Variants in SLC25A19 observed in about 807,000 individuals in gnomAD.
SLC25A19 encodes solute carrier family 25 member 19, also known as mitochondrial thiamine pyrophosphate carrier.
In SLC25A19, 18 loss-of-function variants were observed where a neutral mutation model predicts 27.9. The observed-to-expected ratio is 0.64, with a 90% CI of 0.45 to 0.96. SLC25A19 has a LOEUF of 0.96. SLC25A19 is among the 40% of genes least tolerant of loss of function. The pLI is 0.00. For synonymous variants in SLC25A19, 169 were observed against 167.1 expected (o/e 1.01, Z -0.09); for missense variants, 371 against 418.3 (o/e 0.89, Z 0.99).
chr17:75,278,151 C>A lies in SLC25A19; in HGVS notation c.643+1G>T. 4 of 1,613,308 alleles carry A rather than the reference C, an allele frequency of 2.5e-6. No individual in the cohort carries two copies. Among genetic ancestry groups the A allele is most frequent in the Non-Finnish European group, 3.4e-6 (4 of 1,179,984 alleles). ...TCCCTCTCGTGTGAGGGCTGCCTCA[C>A]CATTTTTCTTTCCTTCGGCTGGTAT... On this transcript the variant is annotated splice_donor_variant, in intron 6 of 7. Transcript: ENST00000416858. LOFTEE classifies it high-confidence loss of function.
chr17:75,281,261 T>C (rs531575896), intron 5 of SLC25A19, among the ~76,000 whole-genome samples: 36 of 152,248 alleles, frequency 2.4e-4, no homozygotes, highest in African/African-American at 6.5e-4. Context: ...CACATACATA[T>C]GATGCTATTC....
chr17:75,275,886 G>C (rs779343318), intron 7 of SLC25A19, among the ~76,000 whole-genome samples: 3 of 152,022 alleles, frequency 2.0e-5, no homozygotes, highest in Admixed American at 6.6e-5. Flanking sequence ...CAGGAGAATC[G>C]CTTGAACCAG....
intron 6 of SLC25A19, 148 bp from the exon 7 acceptor site, chr17:75,277,631 A>G: frequency 1.1e-6 from 1 of 926,156 alleles, no homozygotes; most frequent in Non-Finnish European, 1.7e-6. Context: ...TCCCATTCCA[A>G]AAAGGAATGT....
chr17:75,283,736 T>C (rs2078112947), intron 4 of SLC25A19, 143 bp from the exon 5 acceptor site: 1 of 766,596 alleles, frequency 1.3e-6, no homozygotes, highest in African/African-American at 1.7e-5. Flanking sequence ...TCTTGAGCAG[T>C]GACAGCATAT....
At chr17:75,277,209 T>C (rs142375744) in intron 7 of SLC25A19, 144 bp downstream of exon 7, 2 of 1,063,404 alleles carry the variant, frequency 1.9e-6, no homozygotes, top group African/African-American at 3.1e-5. Flanking sequence ...TCCCACATGC[T>C]TAGGGATCTC....
chr17:75,275,886 G>A (rs779343318), intron 7 of SLC25A19, among the ~76,000 whole-genome samples: 5 of 152,022 alleles, frequency 3.3e-5, no homozygotes, highest in African/African-American at 7.3e-5. Context: ...CAGGAGAATC[G>A]CTTGAACCAG....
intron 5 of SLC25A19, among the ~76,000 whole-genome samples, chr17:75,280,637 AC>A (rs1242806320): frequency 6.6e-6 from 1 of 151,768 alleles, no homozygotes; most frequent in Non-Finnish European, 1.5e-5. Context: ...ACATGGCAAA[AC>A]CCCGTCTCTA....
intron 7 of SLC25A19, among the ~76,000 whole-genome samples, chr17:75,277,026 C>G (rs1340012272): frequency 1.3e-5 from 2 of 150,928 alleles, no homozygotes; most frequent in African/African-American, 2.4e-5. Flanking sequence ...TGCAGTGGCT[C>G]ACACCTGTAA....
rs758956830 is a variant in SLC25A19 at position 75,276,620 on chromosome 17, G to A, written c.774+733C>T. Among the ~76,000 whole-genome samples the A allele has an allele frequency of 2.5e-4, 38 of 149,420 alleles. 2 individuals are homozygous for A. The highest frequency in any genetic ancestry group is 3.7e-4 in the Non-Finnish European group (25 of 66,844). ...TGACCTCAGGTGATCCACTCGTCTC[G>A]GCCTCCCAAAATGTTGGGATTACAG... On this transcript the variant is annotated intron_variant, in intron 7 of 7. Coordinates refer to ENST00000416858, the MANE Select transcript of SLC25A19 (RefSeq NM_001126121.2).
intron 5 of SLC25A19, among the ~76,000 whole-genome samples, chr17:75,281,281 TC>T (rs2078033324): frequency 6.6e-6 from 1 of 152,168 alleles, no homozygotes; most frequent in African/African-American, 2.4e-5. Context: ...CTTAAATATG[TC>T]CAGGAAACAG....
chr17:75,286,427 G>A lies in SLC25A19; in HGVS notation c.165C>T (p.Pro55=). 6.2e-7 allele frequency: 1 copy of A among 1,614,152 alleles called. No individual in the cohort carries two copies. The highest frequency in any genetic ancestry group is 8.5e-7 in the Non-Finnish European group (1 of 1,180,050). Residue 55 remains proline (P), a synonymous_variant, in exon 4 of 8, where the codon CCC becomes CCT. Coordinates refer to ENST00000416858, the MANE Select transcript of SLC25A19 (RefSeq NM_001126121.2). ...GGAGGATGCCATGGTACTTTGCGCT[G>A]GGGTCACTGCGAGACAGGCGCTCAT... is the stretch of plus-strand genomic sequence containing the variant. ...LQHERLSRSD[P]SAKYHGILQA...
Position 75,286,797 on chromosome 17 carries a change from A to G in SLC25A19, c.-33T>C, listed in dbSNP as rs1303260074. 8 of 1,613,692 alleles carry G rather than the reference A, an allele frequency of 5.0e-6. No homozygotes were observed. The highest frequency in any genetic ancestry group is 1.7e-5 in the Admixed American group (1 of 59,972). ...TCTGGCCCACACAATGTCCATCAGT[A>G]TCAAGCTAAATGCAAGAGATACGGA... is the stretch of plus-strand genomic sequence containing the variant. On this transcript the variant is annotated 5_prime_UTR_variant, in exon 3 of 8. Coordinates refer to ENST00000416858, the MANE Select transcript of SLC25A19 (RefSeq NM_001126121.2).
rs2077915510 is a variant in SLC25A19, at chr17:75,277,339, A to G, written c.774+14T>C. The G allele has an allele frequency of 2.5e-6, 4 of 1,612,478 alleles. No homozygotes were observed. Among genetic ancestry groups the G allele is most frequent in the Non-Finnish European group, 2.5e-6 (3 of 1,179,572 alleles). On this transcript the variant is annotated intron_variant, in intron 7 of 7. Coordinates refer to ENST00000416858, the MANE Select transcript of SLC25A19 (RefSeq NM_001126121.2). ...CAAGGGTCAGAGCTGTCTGCCTGGG[A>G]GTGAACGGCTCACCTGGCCAAAGGC...
In SLC25A19 at chr17:75,278,278, C is replaced by G; in HGVS notation, c.517G>C (p.Val173Leu). The G allele has an allele frequency of 6.2e-7, 1 of 1,614,070 alleles. No homozygotes were observed. Among genetic ancestry groups the G allele is most frequent in the Non-Finnish European group, 8.5e-7 (1 of 1,180,022 alleles). ...GTMYRSEGPQVFYKGLAPTLI... is the reference protein window; with the variant it reads ...GTMYRSEGPQLFYKGLAPTLI... ...GTGGGAGCCAAGCCTTTGTAGAAAA[C>G]CTGGGGGCCTTCGCTCCTATACATG... Residue 173 changes from valine (V) to leucine (L), a missense_variant, in exon 6 of 8, where the codon GTT becomes CTT. By Grantham distance (32) the Val-to-Leu change is conservative (BLOSUM62 1). Coordinates refer to ENST00000416858, the MANE Select transcript of SLC25A19 (RefSeq NM_001126121.2).
At chr17:75,273,873 G>GC (rs2077792686) in intron 7 of SLC25A19, 1 of 452,082 alleles carries the variant, frequency 2.2e-6, no homozygotes, top group Non-Finnish European at 4.1e-6. Flanking sequence ...TGATTCTCCT[G>GC]CCTCAGCCTC....
At chr17:75,275,865 G>A (rs1029684075) in intron 7 of SLC25A19, among the ~76,000 whole-genome samples, 1 of 152,020 alleles carries the variant, frequency 6.6e-6, no homozygotes, top group Non-Finnish European at 1.5e-5. Flanking sequence ...CCAGCTGCTT[G>A]GAGGCCAAGG....
chr17:75,285,801 T>C (rs572891494), intron 4 of SLC25A19, among the ~76,000 whole-genome samples: 1 of 152,324 alleles, frequency 6.6e-6, no homozygotes, highest in African/African-American at 2.4e-5. Context: ...CTTAAACACA[T>C]CTACTGCATA....
At chr17:75,274,050 C>T (rs968372327) in intron 7 of SLC25A19, among the ~76,000 whole-genome samples, 2 of 152,232 alleles carry the variant, frequency 1.3e-5, no homozygotes, top group African/African-American at 4.8e-5. Flanking sequence ...GCATGGACAA[C>T]CATGCCCAGC....
rs2078104273 is a variant in SLC25A19 at position 75,283,523 on chromosome 17, A to G, written c.359T>C (p.Val120Ala). Reference protein sequence around the residue: ...GSVYDAREFSVHFVCGGLAAC... With the variant: ...GSVYDAREFSAHFVCGGLAAC... ...AGCCAGGCCACCACATACAAAGTGC[A>G]CTGAGAATTCCCGGGCGTCATACAC... is the stretch of plus-strand genomic sequence containing the variant. The change falls in exon 5 of 8, where the codon GTG (valine) becomes GCG (alanine). Residue 120 changes from valine (V) to alanine (A), a missense_variant. Coordinates refer to ENST00000416858, the MANE Select transcript of SLC25A19 (RefSeq NM_001126121.2). The G allele has an allele frequency of 6.2e-7, 1 of 1,613,700 alleles. No homozygotes were observed. Among genetic ancestry groups the G allele is most frequent in the Non-Finnish European group, 8.5e-7 (1 of 1,179,932 alleles).
Sources: gnomAD v4.1 joint callset for allele counts (sites outside exome capture counted in the v4.1 genomes callset) on GRCh38, gnomAD v4.1.1 for gene constraint, MANE v1.5 for transcripts, NCBI Gene and HGNC (gene_info 2026-07-23, HGNC 2026-07-21) for gene names.